Variants in PLEKHG1 observed in about 807,000 individuals in gnomAD.
PLEKHG1 encodes the protein pleckstrin homology and RhoGEF domain containing G1.
Under a neutral mutation model 100.8 loss-of-function variants are expected in PLEKHG1, and 44 were observed. The observed-to-expected ratio is 0.44, with a 90% confidence interval of 0.34 to 0.56. PLEKHG1 has a LOEUF of 0.56. Among genes scored for constraint, PLEKHG1 ranks in the 20% least tolerant of loss-of-function variants. The probability of loss-of-function intolerance (pLI) is 0.01; values close to 1 mark genes in which losing one functional copy is unlikely to be tolerated. For missense variants in PLEKHG1, 1,545 were observed against 1,720.9 expected, an observed-to-expected ratio of 0.90 and a Z score of 1.81; for synonymous variants, 640 against 662.5, an observed-to-expected ratio of 0.97 and a Z score of 0.52.
chr6:150,814,097 G>A (rs903201026), intron 10 of PLEKHG1, among the ~76,000 whole-genome samples: 8 of 152,192 alleles, frequency 5.3e-5, no homozygotes, highest in African/African-American at 1.9e-4. Flanking sequence ...ACCTAAGCAT[G>A]AGTTTTCATT....
At chr6:150,681,537 C>CT (rs953008148) in intron 3 of PLEKHG1, among the ~76,000 whole-genome samples, 3 of 150,720 alleles carry the variant, frequency 2.0e-5, no homozygotes, top group Non-Finnish European at 3.0e-5. Context: ...AGTAGATCGT[C>CT]TTTTTTTTTA....
chr6:150,711,547 C>G (rs6557085), intron 3 of PLEKHG1, among the ~76,000 whole-genome samples: 69,847 of 151,960 alleles, frequency 0.46, 16,462 homozygotes, highest in East Asian at 0.54. Context: ...TCTAAGCAGA[C>G]ACTGGACACA....
At chr6:150,761,830 G>C (rs1403423063) in intron 2 of PLEKHG1, among the ~76,000 whole-genome samples, 1 of 152,072 alleles carries the variant, frequency 6.6e-6, no homozygotes, top group Non-Finnish European at 1.5e-5. Context: ...CCTGTTCCAA[G>C]TTTCTTTTTC....
chr6:150,730,817 G>A (rs1013411882), intron 1 of PLEKHG1, among the ~76,000 whole-genome samples: 4 of 151,842 alleles, frequency 2.6e-5, no homozygotes, highest in South Asian at 2.1e-4. Context: ...GCAGGAGATC[G>A]CTTGAACCTG....
intron 2 of PLEKHG1, among the ~76,000 whole-genome samples, chr6:150,751,915 G>A (rs1783534003): frequency 2.0e-5 from 3 of 152,262 alleles, no homozygotes; most frequent in Admixed American, 6.5e-5. Context: ...GTGGCCGGGC[G>A]AGGTGGCTCA....
At chr6:150,753,406 G>T (rs1783640396) in intron 2 of PLEKHG1, among the ~76,000 whole-genome samples, 1 of 152,094 alleles carries the variant, frequency 6.6e-6, no homozygotes, top group African/African-American at 2.4e-5. Context: ...TGTTACAAGT[G>T]TCCCTTCAGT....
chr6:150,689,942 C>A (rs1006737766), intron 3 of PLEKHG1, among the ~76,000 whole-genome samples: 2 of 150,892 alleles, frequency 1.3e-5, no homozygotes, highest in Admixed American at 1.3e-4. Context: ...ATAATATTTT[C>A]TTTTGACATT....
At chr6:150,734,115 T>C (rs767101280) in intron 2 of PLEKHG1, 23 bp downstream of exon 3, 1 of 1,583,778 alleles carries the variant, frequency 6.3e-7, no homozygotes, top group Non-Finnish European at 8.6e-7. Flanking sequence ...TCGCTTTTAA[T>C]GTTTGCCATG....
At chr6:150,767,533 G>C (rs562475921) in intron 2 of PLEKHG1, among the ~76,000 whole-genome samples, 8 of 152,306 alleles carry the variant, frequency 5.3e-5, no homozygotes, top group Non-Finnish European at 8.8e-5. Context: ...TGAAAGCCTT[G>C]CCTATTTTGC....
intron 1 of PLEKHG1, chr6:150,721,347 G>C (rs1781664260): frequency 6.0e-6 from 1 of 165,466 alleles, no homozygotes; most frequent in Non-Finnish European, 1.2e-5. Context: ...AGCTTGGCTG[G>C]ATCAAGGAAA....
chr6:150,683,194 A>G lies in PLEKHG1; in HGVS notation c.-99+32408A>G, dbSNP rs1252492749. ...TCTGTAGAGGGCAGATGGGGACAGTATTTATATTTATGAAATTTAGAGAAT... is the reference window on the plus strand; with the variant it reads ...TCTGTAGAGGGCAGATGGGGACAGTGTTTATATTTATGAAATTTAGAGAAT... On this transcript the variant is annotated intron_variant, in intron 3 of 3. Coordinates refer to the PLEKHG1 transcript ENST00000367326. This position sits in a 1 kb window ranked among gnomAD's most constrained non-coding sequence, Gnocchi z 4.0. Among the ~76,000 whole-genome samples the G allele has an allele frequency of 1.3e-5, 2 of 152,208 alleles. No individual in the cohort carries two copies. The highest frequency in any genetic ancestry group is 2.1e-4 in the South Asian group (1 of 4,832).
At chr6:150,770,751 A>C (rs1784679605) in intron 3 of PLEKHG1, among the ~76,000 whole-genome samples, 1 of 152,200 alleles carries the variant, frequency 6.6e-6, no homozygotes, top group Non-Finnish European at 1.5e-5. Flanking sequence ...CGCTGATGAT[A>C]AAATCCTGTG....
At chr6:150,734,509 CA>C (rs1282580359) in intron 2 of PLEKHG1, among the ~76,000 whole-genome samples, 2 of 152,176 alleles carry the variant, frequency 1.3e-5, no homozygotes, top group African/African-American at 4.8e-5. Context: ...CGGGAGCTTC[CA>C]AAACTACTGA....
intron 3 of PLEKHG1, among the ~76,000 whole-genome samples, chr6:150,708,787 C>A (rs1312457384): frequency 6.6e-6 from 1 of 152,162 alleles, no homozygotes; most frequent in African/African-American, 2.4e-5. Flanking sequence ...TATCTTATGG[C>A]AGGTGCTTAT....
intron 13 of PLEKHG1, among the ~76,000 whole-genome samples, chr6:150,823,106 A>G (rs1178409): frequency 0.17 from 25,905 of 152,188 alleles, 2,678 homozygotes; most frequent in Middle Eastern, 0.24. Context: ...TGGAGAGGGA[A>G]GGACTTCATA....
chr6:150,742,590 A>G (rs1782935247), intron 2 of PLEKHG1, among the ~76,000 whole-genome samples: 1 of 128,344 alleles, frequency 7.8e-6, no homozygotes, highest in African/African-American at 3.1e-5. Context: ...AAAAAAAAAA[A>G]AAGAGCGCAG....
chr6:150,821,080 C>T lies in PLEKHG1; in HGVS notation c.1409-115C>T, dbSNP rs573668028. On this transcript the variant is annotated intron_variant, in intron 12 of 15. Transcript: ENST00000358517. ...AATGGGGATTTTGTTAAATTTGATA[C>T]AAAAGTTATAGAGCTCTGTTAATCT... 3.7e-4 allele frequency: 282 copies of T among 769,138 alleles called. 3 individuals carry two copies. The African/African-American group carries it at 4.0e-3, about 11-fold the overall frequency. 47.6% of individuals were successfully genotyped at this position (769,138 alleles called of 1,614,324 possible). A position where few individuals can be genotyped will look rare whatever the true frequency, so the allele number is the denominator to read the frequency against.
At chr6:150,681,481 C>T (rs192218268) in intron 3 of PLEKHG1, among the ~76,000 whole-genome samples, 35 of 146,050 alleles carry the variant, frequency 2.4e-4, no homozygotes, top group Non-Finnish European at 3.3e-4. Flanking sequence ...CACTGCCTGG[C>T]GACAGAGCGT....
At chr6:150,757,707 A>G (rs1403082692) in intron 2 of PLEKHG1, among the ~76,000 whole-genome samples, 1 of 152,210 alleles carries the variant, frequency 6.6e-6, no homozygotes, top group Admixed American at 6.5e-5. Flanking sequence ...TTCTTCTTCA[A>G]CATTTAAGTT....
Sources: gnomAD v4.1 joint callset for allele counts (sites outside exome capture counted in the v4.1 genomes callset) on GRCh38, gnomAD v4.1.1 for gene constraint, Gnocchi (gnomAD v3.1) non-coding constraint, MANE v1.5 for transcripts, NCBI Gene and HGNC (gene_info 2026-07-23, HGNC 2026-07-21) for gene names.